Variants in NEDD9 observed in about 807,000 individuals in gnomAD.
NEDD9 encodes the protein neural precursor cell expressed, developmentally down-regulated 9, also known as enhancer of filamentation 1.
In NEDD9, 26 loss-of-function variants were observed where a neutral mutation model predicts 76.6. That is an observed-to-expected ratio of 0.34 (90% CI 0.25 to 0.47). NEDD9 has a LOEUF of 0.47. Ranked by LOEUF, NEDD9 falls within the 20% of genes least tolerant of loss-of-function variation. The probability of loss-of-function intolerance (pLI) is 1.00; values close to 1 mark genes in which losing one functional copy is unlikely to be tolerated. For missense variants in NEDD9, 937 were observed against 1,058.5 expected, an observed-to-expected ratio of 0.89 and a Z score of 1.59; for synonymous variants, 392 against 414.2, an observed-to-expected ratio of 0.95 and a Z score of 0.65.
Position 11,332,009 on chromosome 6 carries a change from A to G in NEDD9, c.-153+2492T>C, listed in dbSNP as rs572330888. Among the ~76,000 whole-genome samples, 72 of 152,348 alleles carry G rather than the reference A, an allele frequency of 4.7e-4. No individual in the cohort carries two copies. In the Middle Eastern group the frequency reaches 0.017, roughly 36 times the overall value. ...GCTGATTATTGGGTCAACAAACATG[A>G]AAAGCATTGTCATTGGCCCAAGTTT... On this transcript the variant is annotated intron_variant, in intron 2 of 3. Coordinates refer to the NEDD9 transcript ENST00000397378.
chr6:11,316,007 G>A (rs7765423), intron 2 of NEDD9, among the ~76,000 whole-genome samples: 5,006 of 152,206 alleles, frequency 0.033, 284 homozygotes, highest in African/African-American at 0.11. Context: ...GTCTTGCTGG[G>A]CACGTGGCTC....
chr6:11,308,079 G>C (rs1225794102), intron 2 of NEDD9, among the ~76,000 whole-genome samples: 1 of 152,102 alleles, frequency 6.6e-6, no homozygotes, highest in Non-Finnish European at 1.5e-5. Context: ...TCTTCCTTAA[G>C]TCCTTATTCC....
At chr6:11,349,825 G>A (rs1175440799) in intron 1 of NEDD9, among the ~76,000 whole-genome samples, 1 of 152,174 alleles carries the variant, frequency 6.6e-6, no homozygotes, top group African/African-American at 2.4e-5. Context: ...TGGGTACTAG[G>A]TTTAGTACCT....
chr6:11,305,236 C>T lies in NEDD9; in HGVS notation c.12+756G>A, dbSNP rs1761151454. 4 of 839,048 alleles carry T rather than the reference C, an allele frequency of 4.8e-6. No individual in the cohort carries two copies. The Admixed American group carries it at 1.3e-4, about 26-fold the overall frequency. 52.0% of individuals were successfully genotyped at this position (839,048 alleles called of 1,614,324 possible). A position where few individuals can be genotyped will look rare whatever the true frequency, so the allele number is the denominator to read the frequency against. On this transcript the variant is annotated intron_variant, in intron 3 of 3. Transcript: ENST00000397378. ...TTTTTCATTTTGAGCATGAGTTACTCTATGTGCATTTTCTCATTTCATCCT... is the reference window on the plus strand; with the variant it reads ...TTTTTCATTTTGAGCATGAGTTACTTTATGTGCATTTTCTCATTTCATCCT...
In NEDD9 at chr6:11,198,676, A is replaced by G. The variant is rs1041699489; in HGVS notation, c.460-4984T>C. ...GAGATCATTCCCTCTTCATTTAAAT[A>G]TAAACCACAGGGCCTAGTACAGTGC... On this transcript the variant is annotated intron_variant, in intron 2 of 6. Transcript: ENST00000379446. The surrounding 1 kb of genome is among the most constrained non-coding windows in gnomAD (Gnocchi z 4.7). The G allele has an allele frequency of 1.3e-5, 2 of 152,254 alleles. No homozygotes were observed. The highest frequency in any genetic ancestry group is 2.9e-5 in the Non-Finnish European group (2 of 68,058). The allele number at this position is 152,254 out of a possible 1,614,324, so 9.4% of individuals were successfully genotyped here.
chr6:11,331,826 G>A (rs1762043664), intron 2 of NEDD9, among the ~76,000 whole-genome samples: 1 of 152,236 alleles, frequency 6.6e-6, no homozygotes, highest in South Asian at 2.1e-4. Context: ...GGTTGGTGCT[G>A]AAACAGGCTG....
At chr6:11,221,951 A>T (rs1759157437) in intron 1 of NEDD9, among the ~76,000 whole-genome samples, 1 of 152,206 alleles carries the variant, frequency 6.6e-6, no homozygotes, top group South Asian at 2.1e-4. Context: ...CTGTCTAGAC[A>T]AATCCCTCTA....
chr6:11,236,042 T>C (rs1759592418), upstream of NEDD9, among the ~76,000 whole-genome samples: 2 of 152,204 alleles, frequency 1.3e-5, no homozygotes, highest in Non-Finnish European at 1.5e-5. The surrounding 1 kb of genome is among the most constrained non-coding windows in gnomAD (Gnocchi z 5.5). Flanking sequence ...TTTATTAGTG[T>C]CATTTAGTAT....
At chr6:11,310,097 G>C (rs899025047) in intron 2 of NEDD9, among the ~76,000 whole-genome samples, 5 of 152,166 alleles carry the variant, frequency 3.3e-5, no homozygotes, top group Admixed American at 2.6e-4. Flanking sequence ...TGGCAGCACT[G>C]AGCACAAATT....
In NEDD9 at chr6:11,188,212, A is replaced by T; in HGVS notation, c.1995+6T>A. ...GCCAAGCAGTTTTTGCTCTGATTGAACTTACCTGATGATGTTCCAGCTGCA... is the reference window on the plus strand; with the variant it reads ...GCCAAGCAGTTTTTGCTCTGATTGATCTTACCTGATGATGTTCCAGCTGCA... On this transcript the variant is annotated splice_donor_region_variant and intron_variant, in intron 6 of 6. Coordinates refer to ENST00000379446, the MANE Select transcript of NEDD9 (RefSeq NM_006403.4). The T allele has an allele frequency of 6.2e-7, 1 of 1,613,124 alleles. No individual in the cohort carries two copies. Among genetic ancestry groups the T allele is most frequent in the Admixed American group, 1.7e-5 (1 of 60,024 alleles).
chr6:11,319,676 A>G (rs887018601), intron 2 of NEDD9, among the ~76,000 whole-genome samples: 6 of 133,650 alleles, frequency 4.5e-5, no homozygotes, highest in African/African-American at 1.4e-4. Context: ...ATGCACACAT[A>G]CACAAACATG....
intron 3 of NEDD9, among the ~76,000 whole-genome samples, chr6:11,268,354 A>G (rs1760238757): frequency 6.6e-6 from 1 of 152,174 alleles, no homozygotes; most frequent in South Asian, 2.1e-4. Context: ...TTATAGAAGC[A>G]TTCATTGAAA....
At chr6:11,228,623 G>GTGAAGGGAGAGAACA (rs1184895647) in intron 1 of NEDD9, among the ~76,000 whole-genome samples, 9 of 4,150 alleles carry the variant, frequency 2.2e-3, no homozygotes, top group Non-Finnish European at 1.5e-3. Flanking sequence ...TCTGAGAACA[G>GTGAAGGGAGAGAACA]GGACTGACGT....
intron 2 of NEDD9, among the ~76,000 whole-genome samples, chr6:11,333,588 A>G (rs1762092485): frequency 6.6e-6 from 1 of 152,206 alleles, no homozygotes; most frequent in African/African-American, 2.4e-5. Context: ...CGGCAGGTGC[A>G]GAGACCACAG....
intron 3 of NEDD9, among the ~76,000 whole-genome samples, chr6:11,254,313 G>A (rs1239288243): frequency 6.6e-6 from 1 of 151,904 alleles, no homozygotes; most frequent in East Asian, 1.9e-4. Context: ...TAGAGATGGG[G>A]TTTCGCCATA....
At chr6:11,240,510 G>A (rs1279362063) in intron 3 of NEDD9, among the ~76,000 whole-genome samples, 1 of 152,130 alleles carries the variant, frequency 6.6e-6, no homozygotes, top group African/African-American at 2.4e-5. Context: ...TGTCACTACC[G>A]TGCTACTAAA....
At chr6:11,326,532 G>A (rs1761933077) in intron 2 of NEDD9, among the ~76,000 whole-genome samples, 1 of 152,246 alleles carries the variant, frequency 6.6e-6, no homozygotes, top group African/African-American at 2.4e-5. Context: ...TATTGCCAAA[G>A]TCTATGAACA....
At chr6:11,332,415 A>G (rs1440281562) in intron 2 of NEDD9, among the ~76,000 whole-genome samples, 2 of 152,194 alleles carry the variant, frequency 1.3e-5, no homozygotes, top group Non-Finnish European at 2.9e-5. Flanking sequence ...CATTACCTCC[A>G]AGACTGGGAG....
Position 11,185,021 on chromosome 6 carries a change from TTGAC to T in NEDD9, c.*137_*140del. On this transcript the variant is annotated 3_prime_UTR_variant, in exon 7 of 7. Coordinates refer to ENST00000379446, the MANE Select transcript of NEDD9 (RefSeq NM_006403.4). ...CTCCAGCTCCCTGAATTTCTGAAAG[TTGAC>T]TGACCCATAAAATGTTAAAATATTT... is the stretch of plus-strand genomic sequence containing the variant. 9.1e-7 allele frequency: 1 copy of T among 1,096,296 alleles called. No individual in the cohort carries two copies. The highest frequency in any genetic ancestry group is 1.2e-6 in the Non-Finnish European group (1 of 801,008). 67.9% of individuals were successfully genotyped at this position (1,096,296 alleles called of 1,614,324 possible). A position where few individuals can be genotyped will look rare whatever the true frequency, so the allele number is the denominator to read the frequency against.
Sources: allele counts gnomAD v4.1 joint callset (sites outside exome capture counted in the v4.1 genomes callset), GRCh38; gene constraint gnomAD v4.1.1; non-coding constraint Gnocchi (gnomAD v3.1); transcripts MANE v1.5; gene names NCBI Gene and HGNC (gene_info 2026-07-23, HGNC 2026-07-21).